SNAP91: variants seen among roughly 807,000 people sequenced by gnomAD.
SNAP91 encodes the protein synaptosome associated protein 91, also known as clathrin coat assembly protein AP180.
In SNAP91, 27 loss-of-function variants were observed where a neutral mutation model predicts 100.3. The ratio of observed to expected loss-of-function variants is 0.27; its 90% CI spans 0.20 to 0.37. The LOEUF is 0.37. Among genes scored for constraint, SNAP91 ranks in the 10% least tolerant of loss-of-function variants. SNAP91 has a pLI of 1.00. For missense variants in SNAP91, 986 were observed against 1,123.7 expected (o/e 0.88, Z 1.75); for synonymous variants, 404 against 398.6 (o/e 1.01, Z -0.16).
intron 2 of SNAP91, among the ~76,000 whole-genome samples, chr6:83,680,694 G>A (rs1282058601): frequency 6.6e-6 from 1 of 152,026 alleles, no homozygotes; most frequent in Non-Finnish European, 1.5e-5. Flanking sequence ...CTGATATTTT[G>A]GGCCAGAAAA....
In SNAP91 at chr6:83,673,484, G is replaced by A. The variant is rs539188405; in HGVS notation, c.131-7903C>T. 1.8e-4 allele frequency among the ~76,000 whole-genome samples: 28 copies of A among 152,272 alleles called. 1 individual carries two copies. The South Asian group carries it at 5.8e-3, about 32-fold the overall frequency. ...AGAACCAAATTTCTGTTGTTTATAA[G>A]CATCTAGTCTATGATGTTTTGGTAG... On this transcript the variant is annotated intron_variant, in intron 2 of 29. Transcript: ENST00000369694.
intron 1 of SNAP91, chr6:83,708,314 C>T (rs1385021825): frequency 5.4e-6 from 1 of 186,156 alleles, no homozygotes; most frequent in African/African-American, 2.4e-5. Flanking sequence ...CCACAACGTG[C>T]GTTGGGGTTA....
At chr6:83,675,845 C>CACACACACACAT (rs1317508730) in intron 2 of SNAP91, among the ~76,000 whole-genome samples, 5 of 151,216 alleles carry the variant, frequency 3.3e-5, no homozygotes, top group Non-Finnish European at 7.4e-5. Context: ...CACACACACA[C>CACACACACACAT]ACACACACAC....
chr6:83,695,270 C>T (rs1431321540), intron 2 of SNAP91, among the ~76,000 whole-genome samples: 4 of 79,986 alleles, frequency 5.0e-5, no homozygotes, highest in African/African-American at 2.0e-4. Flanking sequence ...GAGTGAGGCT[C>T]CATCTCAAAA....
At chr6:83,631,635 C>A (rs1186517716) in intron 8 of SNAP91, among the ~76,000 whole-genome samples, 1 of 152,012 alleles carries the variant, frequency 6.6e-6, no homozygotes, top group Non-Finnish European at 1.5e-5. Flanking sequence ...TTTGTATTGT[C>A]TGATATAAGA....
Position 83,573,933 on chromosome 6 carries a change from G to A in SNAP91, c.2442+1077C>T, listed in dbSNP as rs193257804. On this transcript the variant is annotated intron_variant, in intron 26 of 29. Coordinates refer to ENST00000369694, the MANE Select transcript of SNAP91 (RefSeq NM_001242792.2). Reference sequence around the variant, plus strand: ...TAAAACACCAAAAGCAATGGCAACAGAAGCCAAAATTGACCAATGGGATCT... The same window carrying A: ...TAAAACACCAAAAGCAATGGCAACAAAAGCCAAAATTGACCAATGGGATCT... Among the ~76,000 whole-genome samples the A allele has an allele frequency of 8.6e-3, 1,302 of 152,198 alleles. 15 individuals are homozygous for A. Among genetic ancestry groups the A allele is most frequent in the African/African-American group, 0.029 (1,211 of 41,540 alleles).
At chr6:83,659,584 C>T (rs1266345704) in intron 5 of SNAP91, among the ~76,000 whole-genome samples, 1 of 151,744 alleles carries the variant, frequency 6.6e-6, no homozygotes, top group Non-Finnish European at 1.5e-5. Context: ...GCCACCACAC[C>T]CGGTTAATTT....
intron 7 of SNAP91, among the ~76,000 whole-genome samples, chr6:83,645,023 C>G (rs1267709797): frequency 6.6e-6 from 1 of 152,124 alleles, no homozygotes; most frequent in Non-Finnish European, 1.5e-5. Flanking sequence ...CCACCAGGAA[C>G]AGCATGACTT....
intron 29 of SNAP91, among the ~76,000 whole-genome samples, chr6:83,555,703 G>A (rs1406843423): frequency 2.0e-5 from 3 of 151,732 alleles, no homozygotes; most frequent in Non-Finnish European, 4.4e-5. Flanking sequence ...AAATGTAAAG[G>A]GTAATAATCT....
intron 2 of SNAP91, among the ~76,000 whole-genome samples, chr6:83,667,675 T>G (rs188856655): frequency 1.3e-5 from 2 of 152,202 alleles, no homozygotes; most frequent in African/African-American, 2.4e-5. Context: ...CTAGGGTACA[T>G]GTGTACAACG....
chr6:83,648,791 T>C (rs1305328002), intron 7 of SNAP91, among the ~76,000 whole-genome samples: 2 of 152,194 alleles, frequency 1.3e-5, no homozygotes. Context: ...CTTTTGTACA[T>C]TATAAAAATC....
chr6:83,602,169 C>T (rs917677665), intron 14 of SNAP91, among the ~76,000 whole-genome samples: 1 of 152,066 alleles, frequency 6.6e-6, no homozygotes, highest in African/African-American at 2.4e-5. Context: ...TTTAAAAAAT[C>T]CTCTGTATTC....
intron 10 of SNAP91, among the ~76,000 whole-genome samples, chr6:83,616,444 A>G (rs2128351892): frequency 6.6e-6 from 1 of 152,328 alleles, no homozygotes; most frequent in South Asian, 2.1e-4. Flanking sequence ...AACTGTACTT[A>G]TCATTGCTTG....
Position 83,554,259 on chromosome 6 carries a change from T to C in SNAP91, c.*37A>G. 1 of 294,150 alleles carries C rather than the reference T, an allele frequency of 3.4e-6. No individual in the cohort carries two copies. Among genetic ancestry groups the C allele is most frequent in the Admixed American group, 5.1e-5 (1 of 19,464 alleles). 18.2% of individuals were successfully genotyped at this position (294,150 alleles called of 1,614,324 possible). Reference sequence around the variant, plus strand: ...ATTTGAAGTCTCCAAACTCATTTATTTTCCTATTCAGTCACAAATATTGCA... The same window carrying C: ...ATTTGAAGTCTCCAAACTCATTTATCTTCCTATTCAGTCACAAATATTGCA... On this transcript the variant is annotated 3_prime_UTR_variant, in exon 30 of 30. Transcript: ENST00000369694.
chr6:83,656,959 A>T, intron 6 of SNAP91, 94 bp from the exon 7 acceptor site: 1 of 594,252 alleles, frequency 1.7e-6, no homozygotes, highest in Non-Finnish European at 2.9e-6. Context: ...CTACTAAGAA[A>T]TTCATGAATA....
At chr6:83,659,131 A>G (rs2128721654) in intron 5 of SNAP91, 39 bp from the exon 6 acceptor site, 1 of 1,434,178 alleles carries the variant, frequency 7.0e-7, no homozygotes, top group Admixed American at 2.0e-5. Flanking sequence ...ATTTCATTGG[A>G]TATGGACAAT....
intron 8 of SNAP91, among the ~76,000 whole-genome samples, chr6:83,632,937 T>C (rs916269036): frequency 6.6e-6 from 1 of 152,214 alleles, no homozygotes; most frequent in Non-Finnish European, 1.5e-5. Flanking sequence ...AGTGTGATTT[T>C]TTTGGAGGAT....
At chr6:83,579,228 T>C (rs141055561) in intron 24 of SNAP91, among the ~76,000 whole-genome samples, 5 of 152,316 alleles carry the variant, frequency 3.3e-5, no homozygotes, top group African/African-American at 9.6e-5. Context: ...TTAGCTTCTT[T>C]CAGCTGGGAT....
chr6:83,560,998 C>T lies in SNAP91; in HGVS notation c.2443-51G>A, dbSNP rs573262693. ...TATAAATAACACAAAAACACACAAA[C>T]ACATGCACGACAATAAACAAACAAA... On this transcript the variant is annotated intron_variant, in intron 26 of 29. Coordinates refer to ENST00000369694, the MANE Select transcript of SNAP91 (RefSeq NM_001242792.2). 10 of 1,179,366 alleles carry T rather than the reference C, an allele frequency of 8.5e-6. No individual in the cohort carries two copies. The East Asian group carries it at 9.8e-5, about 12-fold the overall frequency. The allele number at this position is 1,179,366 out of a possible 1,614,324, so 73.1% of individuals were successfully genotyped here.
Sources: gnomAD v4.1 joint callset for allele counts (sites outside exome capture counted in the v4.1 genomes callset) on GRCh38, gnomAD v4.1.1 for gene constraint, MANE v1.5 for transcripts, NCBI Gene and HGNC (gene_info 2026-07-23, HGNC 2026-07-21) for gene names.